The following MAP3K20 variants were observed in gnomAD, a reference collection of about 807,000 sequenced individuals.
MAP3K20 encodes HCCS-4.
A neutral mutation model predicts 85.7 loss-of-function variants in MAP3K20; 40 were observed. The observed-to-expected ratio is 0.47, with a 90% CI of 0.36 to 0.61. The LOEUF is 0.61. Ranked by LOEUF, MAP3K20 falls within the 20% of genes least tolerant of loss-of-function variation. MAP3K20 has a pLI of 0.00. For synonymous variants in MAP3K20, 325 were observed against 327.7 expected (o/e 0.99, Z 0.09); for missense variants, 817 against 961.7 (o/e 0.85, Z 1.99).
chr2:173,182,976 CT>C, intron 4 of MAP3K20, 21 bp downstream of exon 4: 1 of 1,567,216 alleles, frequency 6.4e-7, no homozygotes, highest in Non-Finnish European at 8.7e-7. Flanking sequence ...TTGGTATATT[CT>C]TATAGAATTA....
chr2:173,166,007 A>G (rs75365412), intron 2 of MAP3K20, among the ~76,000 whole-genome samples: 3,072 of 152,236 alleles, frequency 0.02, 50 homozygotes, highest in Non-Finnish European at 0.031. Flanking sequence ...AGTGTTGTGC[A>G]CCCATCACCA....
At chr2:173,115,159 C>T (rs900929465) in intron 2 of MAP3K20, among the ~76,000 whole-genome samples, 1 of 152,114 alleles carries the variant, frequency 6.6e-6, no homozygotes, top group Non-Finnish European at 1.5e-5. Context: ...ACCTTGTCTT[C>T]GAGCTCTGAA....
intron 4 of MAP3K20, among the ~76,000 whole-genome samples, chr2:173,184,256 A>C (rs1472179677): frequency 6.6e-6 from 1 of 152,228 alleles, no homozygotes; most frequent in Non-Finnish European, 1.5e-5. Flanking sequence ...AAATACCCTT[A>C]AATAATGTAA....
At chr2:173,230,507 G>A (rs1276789045) in intron 12 of MAP3K20, among the ~76,000 whole-genome samples, 2 of 152,168 alleles carry the variant, frequency 1.3e-5, no homozygotes, top group Non-Finnish European at 2.9e-5. Context: ...ATAGACACAA[G>A]CACGCCCAGA....
chr2:173,147,979 T>C (rs2106223055), intron 2 of MAP3K20, among the ~76,000 whole-genome samples: 1 of 152,364 alleles, frequency 6.6e-6, no homozygotes, highest in East Asian at 1.9e-4. Flanking sequence ...ATTTTGTTTG[T>C]TAATATGCTT....
chr2:173,214,604 A>ATATC (rs1336392002), intron 10 of MAP3K20: 2 of 152,222 alleles, frequency 1.3e-5, no homozygotes, highest in East Asian at 3.8e-4. Flanking sequence ...TATATATTCT[A>ATATC]TATCACTCTT....
chr2:173,119,374 G>A (rs915975844), intron 2 of MAP3K20, among the ~76,000 whole-genome samples: 1 of 152,206 alleles, frequency 6.6e-6, no homozygotes, highest in Admixed American at 6.5e-5. Context: ...CTTCTGGCTG[G>A]TGGCCAGTGG....
chr2:173,076,081 C>G (rs1686845810), intron 1 of MAP3K20, 79 bp downstream of exon 1: 1 of 950,124 alleles, frequency 1.1e-6, no homozygotes. Context: ...GTCCCTGCGT[C>G]TCGGGGCCGA....
chr2:173,163,462 CTT>C (rs771655631), intron 2 of MAP3K20, among the ~76,000 whole-genome samples: 1 of 152,146 alleles, frequency 6.6e-6, no homozygotes, highest in Non-Finnish European at 1.5e-5. Context: ...TAATCTTGTT[CTT>C]TTTTATGGCT....
At chr2:173,130,084 G>C (rs969525156) in intron 2 of MAP3K20, among the ~76,000 whole-genome samples, 1 of 152,102 alleles carries the variant, frequency 6.6e-6, no homozygotes, top group African/African-American at 2.4e-5. Context: ...TTTTGACCTC[G>C]GCATTTCACA....
chr2:173,221,264 G>A (rs776444256), intron 11 of MAP3K20: 2 of 1,613,974 alleles, frequency 1.2e-6, no homozygotes, highest in South Asian at 2.2e-5. Context: ...TAACGGGGAG[G>A]GCCATGGCAT....
chr2:173,167,450 G>A (rs997637126), intron 2 of MAP3K20, among the ~76,000 whole-genome samples: 1 of 151,818 alleles, frequency 6.6e-6, no homozygotes, highest in Non-Finnish European at 1.5e-5. Flanking sequence ...TTTACTGTTG[G>A]CCCATTTCCA....
chr2:173,264,625 T>C (rs1315116625), intron 19 of MAP3K20, among the ~76,000 whole-genome samples: 1 of 152,214 alleles, frequency 6.6e-6, no homozygotes, highest in Non-Finnish European at 1.5e-5. Flanking sequence ...AGTCGATCCC[T>C]GGAGCCAGAA....
At chr2:173,084,474 G>GA (rs1687094287) in intron 1 of MAP3K20, among the ~76,000 whole-genome samples, 1 of 148,298 alleles carries the variant, frequency 6.7e-6, no homozygotes, top group Admixed American at 6.7e-5. Context: ...AATACATTAT[G>GA]AAAAAAGCTT....
At position 173,186,746 on chromosome 2, in the gene MAP3K20, CT is replaced by C. The variant is rs564962676; in HGVS notation, c.350-805del. 1.4e-4 allele frequency among the ~76,000 whole-genome samples: 21 copies of C among 151,918 alleles called. No homozygotes were observed. The South Asian group carries it at 4.2e-3, about 30-fold the overall frequency. ...GGATATATTTTAGTAGAAAATCATC[CT>C]TTTTTTATTCTAAAGGGGTAGACAA... On this transcript the variant is annotated intron_variant, in intron 4 of 19. Coordinates refer to ENST00000375213, the MANE Select transcript of MAP3K20 (RefSeq NM_016653.3).
At chr2:173,265,826 T>C (rs773960424) in intron 19 of MAP3K20, among the ~76,000 whole-genome samples, 2 of 152,202 alleles carry the variant, frequency 1.3e-5, no homozygotes, top group Non-Finnish European at 2.9e-5. Flanking sequence ...GTAAAGCCCA[T>C]GGAACAATGC....
At position 173,266,798 on chromosome 2, in the gene MAP3K20, AAAG is replaced by A. The variant is rs752128137; in HGVS notation, c.*51_*53del. On this transcript the variant is annotated 3_prime_UTR_variant, in exon 20 of 20. Coordinates refer to ENST00000375213, the MANE Select transcript of MAP3K20 (RefSeq NM_016653.3). ...CTAAGCAGGTTAAAAAAAAAAAAAAAAAGAAATGTAATGGTTTTTGATAATATG... is the reference window on the plus strand; with the variant it reads ...CTAAGCAGGTTAAAAAAAAAAAAAAAAAATGTAATGGTTTTTGATAATATG... The A allele has an allele frequency of 2.0e-4, 269 of 1,364,718 alleles. No homozygotes were observed. The South Asian group carries it at 4.3e-3, about 22-fold the overall frequency. The allele number at this position is 1,364,718 out of a possible 1,614,324, so 84.5% of individuals were successfully genotyped here.
chr2:173,215,802 AG>A (rs1359808158), intron 10 of MAP3K20: 1 of 152,248 alleles, frequency 6.6e-6, no homozygotes, highest in African/African-American at 2.4e-5. Flanking sequence ...GGAATGTTCC[AG>A]TAAGAGTAAA....
At chr2:173,182,796 CTT>C in intron 3 of MAP3K20, 56 bp from the exon 4 acceptor site, 2 of 1,193,038 alleles carry the variant, frequency 1.7e-6, no homozygotes, top group Non-Finnish European at 1.2e-6. Context: ...AATATAAAGT[CTT>C]ATTTCTGAAA....
Sources: allele counts gnomAD v4.1 joint callset (sites outside exome capture counted in the v4.1 genomes callset), GRCh38; gene constraint gnomAD v4.1.1; transcripts MANE v1.5; gene names NCBI Gene and HGNC (gene_info 2026-07-23, HGNC 2026-07-21).